The following SLC35F4 variants were observed in gnomAD, a reference collection of about 807,000 sequenced individuals.
SLC35F4 encodes the protein solute carrier family 35 member F4.
A neutral mutation model predicts 44.2 loss-of-function variants in SLC35F4; 24 were observed. That is an observed-to-expected ratio of 0.54 (90% CI 0.39 to 0.76). SLC35F4 has a LOEUF of 0.76. Among genes scored for constraint, SLC35F4 ranks in the 30% least tolerant of loss-of-function variants. SLC35F4 has a pLI of 0.00. For missense variants in SLC35F4, 562 were observed against 586.1 expected (o/e 0.96, Z 0.42); for synonymous variants, 238 against 223.6 (o/e 1.06, Z -0.57).
At position 57,569,937 on chromosome 14, in the gene SLC35F4, G is replaced by A; in HGVS notation, c.977C>T (p.Ala326Val). The A allele has an allele frequency of 6.2e-7, 1 of 1,611,662 alleles. No individual in the cohort carries two copies. The highest frequency in any genetic ancestry group is 8.5e-7 in the Non-Finnish European group (1 of 1,179,160). ...MFLGSANFGEAAHFVSTLGFF... is the reference protein window; with the variant it reads ...MFLGSANFGEVAHFVSTLGFF... ...ACCCAAGGTGGAGACAAAGTGTGCA[G>A]CTTCCCCAAAGTTGGCACTTCCAAG... Residue 326 changes from alanine (A) to valine (V), a missense_variant, in exon 6 of 8, where the codon GCT (alanine) becomes GTT (valine). Physicochemically the swap from Ala to Val is moderately conservative, Grantham distance 64. Transcript: ENST00000556826.
intron 1 of SLC35F4, among the ~76,000 whole-genome samples, chr14:57,814,949 G>A (rs1882394024): frequency 6.6e-6 from 1 of 152,028 alleles, no homozygotes; most frequent in Admixed American, 6.6e-5. Context: ...TTAGAACAGG[G>A]GTTGGCAAGT....
intron 1 of SLC35F4, among the ~76,000 whole-genome samples, chr14:57,768,559 T>C (rs541860287): frequency 6.6e-6 from 1 of 152,324 alleles, no homozygotes; most frequent in East Asian, 1.9e-4. Context: ...CATGAACCGC[T>C]CCTACAAATC....
intron 1 of SLC35F4, among the ~76,000 whole-genome samples, chr14:57,676,788 A>T (rs1396287248): frequency 6.6e-6 from 1 of 152,092 alleles, no homozygotes; most frequent in Admixed American, 6.6e-5. Flanking sequence ...ATGTGGTGAA[A>T]AGAGAACACT....
At chr14:57,862,000 C>T (rs1887720412) in intron 1 of SLC35F4, among the ~76,000 whole-genome samples, 2 of 152,184 alleles carry the variant, frequency 1.3e-5, no homozygotes, top group South Asian at 2.1e-4. Flanking sequence ...CTACTCTGAA[C>T]TCTAAGCTTA....
At chr14:57,628,119 G>A (rs2072565567) in intron 1 of SLC35F4, among the ~76,000 whole-genome samples, 1 of 151,780 alleles carries the variant, frequency 6.6e-6, no homozygotes, top group South Asian at 2.1e-4. Context: ...GTACATTTCA[G>A]GACCTCCTGA....
intron 1 of SLC35F4, among the ~76,000 whole-genome samples, chr14:57,724,587 G>A (rs879894317): frequency 8.5e-5 from 13 of 152,282 alleles, no homozygotes; most frequent in South Asian, 6.2e-4. Context: ...TCCTGAAGGC[G>A]TAAGTCAGTT....
chr14:57,810,162 A>G lies in SLC35F4; in HGVS notation c.103+55561T>C, dbSNP rs537859442. Among the ~76,000 whole-genome samples the G allele has an allele frequency of 3.9e-5, 6 of 152,340 alleles. No homozygotes were observed. The South Asian group carries it at 1.2e-3, about 32-fold the overall frequency. ...ACATGCCCCTCCTCCATCCTGAGCC[A>G]GCAGCCTGCTACTCCCCCATCCTAG... is the stretch of plus-strand genomic sequence containing the variant. On this transcript the variant is annotated intron_variant, in intron 1 of 7. Coordinates refer to ENST00000556826, the MANE Select transcript of SLC35F4 (RefSeq NM_001306087.2).
At chr14:57,948,846 A>T (rs1014110946) in intron 1 of SLC35F4, among the ~76,000 whole-genome samples, 1 of 152,272 alleles carries the variant, frequency 6.6e-6, no homozygotes, top group Admixed American at 6.5e-5. Context: ...TATAGTTTTA[A>T]AAGTCCCTTT....
rs372550579 is a variant in SLC35F4 at position 57,737,617 on chromosome 14, T to C, written c.103+128106A>G. Among the ~76,000 whole-genome samples, 11 of 152,360 alleles carry C rather than the reference T, an allele frequency of 7.2e-5. No homozygotes were observed. The South Asian group carries it at 2.3e-3, about 32-fold the overall frequency. On this transcript the variant is annotated intron_variant, in intron 1 of 7. Transcript: ENST00000556826. ...AAGTACTCACCAAAGCCTCCAGTTT[T>C]AGAATACTCAGGTCCAGACCTCAGA...
At chr14:57,664,567 C>T (rs992996064) in intron 1 of SLC35F4, among the ~76,000 whole-genome samples, 1 of 152,098 alleles carries the variant, frequency 6.6e-6, no homozygotes, top group African/African-American at 2.4e-5. Context: ...CACCACAATG[C>T]CCGGCTAATT....
intron 1 of SLC35F4, among the ~76,000 whole-genome samples, chr14:57,924,654 A>C (rs1594628220): frequency 6.6e-6 from 1 of 151,952 alleles, no homozygotes; most frequent in South Asian, 2.1e-4. Context: ...TCACCGTGTT[A>C]GCCAGGATGG....
At chr14:57,665,864 G>A (rs751739618) in intron 1 of SLC35F4, among the ~76,000 whole-genome samples, 9 of 152,134 alleles carry the variant, frequency 5.9e-5, no homozygotes, top group Non-Finnish European at 1.3e-4. Flanking sequence ...TCTCCTTAGC[G>A]AATTAGCACA....
chr14:57,657,819 G>A (rs181522341), intron 1 of SLC35F4, among the ~76,000 whole-genome samples: 33 of 152,204 alleles, frequency 2.2e-4, no homozygotes, highest in Admixed American at 7.2e-4. Flanking sequence ...AAGAAACCTC[G>A]GATTGGGAAG....
At chr14:57,611,791 A>G (rs2071527197) in intron 1 of SLC35F4, among the ~76,000 whole-genome samples, 1 of 152,138 alleles carries the variant, frequency 6.6e-6, no homozygotes, top group African/African-American at 2.4e-5. Context: ...ACTGAAAGGT[A>G]GATAACATCA....
intron 1 of SLC35F4, among the ~76,000 whole-genome samples, chr14:57,707,621 C>A (rs1408633660): frequency 6.6e-6 from 1 of 152,048 alleles, no homozygotes; most frequent in Non-Finnish European, 1.5e-5. Flanking sequence ...TGGACTAATA[C>A]AATAAATTGG....
At chr14:57,574,810 G>C (rs1411109273) in intron 4 of SLC35F4, among the ~76,000 whole-genome samples, 1 of 151,872 alleles carries the variant, frequency 6.6e-6, no homozygotes, top group East Asian at 2.0e-4. Flanking sequence ...ATACTCTTTA[G>C]ATGTCTGGAG....
intron 1 of SLC35F4, among the ~76,000 whole-genome samples, chr14:57,678,680 C>T (rs1164228875): frequency 6.7e-6 from 1 of 149,884 alleles, no homozygotes; most frequent in Non-Finnish European, 1.5e-5. Context: ...GGAATATTTA[C>T]CAAGCAAATG....
intron 1 of SLC35F4, among the ~76,000 whole-genome samples, chr14:57,896,488 A>G (rs1203785779): frequency 6.6e-6 from 1 of 152,190 alleles, no homozygotes; most frequent in Non-Finnish European, 1.5e-5. Flanking sequence ...GGATGCTAGA[A>G]ACATTCCCTT....
At chr14:57,759,546 C>T (rs554492137) in intron 1 of SLC35F4, among the ~76,000 whole-genome samples, 273 of 152,178 alleles carry the variant, frequency 1.8e-3, no homozygotes, top group Non-Finnish European at 2.3e-3. Context: ...TGCCACTGCA[C>T]TCCAGCCTGG....
Sources: gnomAD v4.1 joint callset for allele counts (sites outside exome capture counted in the v4.1 genomes callset) on GRCh38, gnomAD v4.1.1 for gene constraint, MANE v1.5 for transcripts, NCBI Gene and HGNC (gene_info 2026-07-23, HGNC 2026-07-21) for gene names.